The following IMPA2 variants were observed in gnomAD, a reference collection of about 807,000 sequenced individuals.
IMPA2 encodes the protein IMP 2.
IMPA2 carries 32 observed loss-of-function variants against 35.1 expected under a neutral mutation model. The observed-to-expected ratio is 0.91, with a 90% confidence interval of 0.69 to 1.23. IMPA2 has a LOEUF of 1.23. Among genes scored for constraint, IMPA2 ranks in the 50% most tolerant of loss-of-function variants. IMPA2 has a pLI of 0.00. For missense variants in IMPA2, 334 were observed against 387.6 expected (o/e 0.86, Z 1.16); for synonymous variants, 135 against 160.6 (o/e 0.84, Z 1.20).
Position 11,999,070 on chromosome 18 carries a change from T to A in IMPA2, c.113T>A (p.Leu38His), listed in dbSNP as rs1907044321. 2 of 1,613,306 alleles carry A rather than the reference T, an allele frequency of 1.2e-6. No homozygotes were observed. The highest frequency in any genetic ancestry group is 1.7e-6 in the Non-Finnish European group (2 of 1,179,736). Residue 38 changes from leucine (L) to histidine (H), a missense_variant, in exon 2 of 8, where the codon CTT becomes CAT. Physicochemically the swap from Leu to His is moderately conservative, Grantham distance 99. Coordinates refer to ENST00000269159, the MANE Select transcript of IMPA2 (RefSeq NM_014214.3). Reference protein sequence around the residue: ...LRAGQIIRKALTEEKRVSTKT... With the variant: ...LRAGQIIRKAHTEEKRVSTKT... ...TTATTTCAGATCATCAGAAAAGCCC[T>A]TACTGAGGAAAAACGTGTCTCAACA...
rs567220944 is a variant in IMPA2, at chr18:12,003,275, C to T, written c.230+4088C>T. Among the ~76,000 whole-genome samples the T allele has an allele frequency of 4.0e-4, 61 of 152,282 alleles. 2 individuals carry two copies. The South Asian group carries it at 0.011, about 28-fold the overall frequency. Reference sequence around the variant, plus strand: ...TGGCAAATCTCACCACTTAGGGCCTCGAACTCCTCACCTGTGAATGAGGGA... The same window carrying T: ...TGGCAAATCTCACCACTTAGGGCCTTGAACTCCTCACCTGTGAATGAGGGA... On this transcript the variant is annotated intron_variant, in intron 2 of 7. Coordinates refer to ENST00000269159, the MANE Select transcript of IMPA2 (RefSeq NM_014214.3).
intron 1 of IMPA2, among the ~76,000 whole-genome samples, chr18:11,987,812 G>A (rs1425718184): frequency 6.6e-6 from 1 of 152,160 alleles, no homozygotes; most frequent in African/African-American, 2.4e-5. Flanking sequence ...GTTCTCTAAA[G>A]AGGATGTACC....
At chr18:12,018,121 A>G (rs768959146) in intron 5 of IMPA2, 23 of 155,328 alleles carry the variant, frequency 1.5e-4, no homozygotes, top group Admixed American at 1.9e-4. Flanking sequence ...TTGTATTTTT[A>G]GTGGAGACAG....
At chr18:12,007,921 G>C (rs1907323138) in intron 2 of IMPA2, among the ~76,000 whole-genome samples, 1 of 151,716 alleles carries the variant, frequency 6.6e-6, no homozygotes, top group African/African-American at 2.4e-5. Context: ...GGGATTATAG[G>C]CGTGCGCCAC....
chr18:11,984,645 A>G (rs1906603770), intron 1 of IMPA2, among the ~76,000 whole-genome samples: 2 of 151,902 alleles, frequency 1.3e-5, no homozygotes, highest in South Asian at 2.1e-4. Context: ...TTTGAGACCA[A>G]TATAGTGAAA....
intron 5 of IMPA2, among the ~76,000 whole-genome samples, chr18:12,019,704 A>G (rs993500044): frequency 6.6e-6 from 1 of 151,978 alleles, no homozygotes; most frequent in Non-Finnish European, 1.5e-5. Context: ...AACATCATGT[A>G]TTGGTCGTTT....
intron 1 of IMPA2, among the ~76,000 whole-genome samples, chr18:11,986,525 C>T (rs527550990): frequency 1.3e-5 from 2 of 152,292 alleles, no homozygotes; most frequent in African/African-American, 4.8e-5. Flanking sequence ...TCTGGCTCTT[C>T]AGGGCAGAAG....
At chr18:12,007,644 T>TC (rs1907301907) in intron 2 of IMPA2, among the ~76,000 whole-genome samples, 1 of 99,570 alleles carries the variant, frequency 1.0e-5, no homozygotes, top group African/African-American at 5.7e-5. Context: ...TCTTTCTTTC[T>TC]TTCTTTCTTT....
chr18:12,019,395 T>C (rs1176176213), intron 5 of IMPA2, among the ~76,000 whole-genome samples: 3 of 151,560 alleles, frequency 2.0e-5, no homozygotes, highest in East Asian at 3.9e-4. Flanking sequence ...GCTGGAATTA[T>C]AGGCACGCAC....
At position 11,993,456 on chromosome 18, in the gene IMPA2, CG is replaced by C. The variant is rs1235711815; in HGVS notation, c.97-5597del. ...GCAGCCCCCATGTGTGCAAGGCCCC[CG>C]AGTACACCTGATAGAGCCCTATCTG... On this transcript the variant is annotated intron_variant, in intron 1 of 7. Transcript: ENST00000269159. Among the ~76,000 whole-genome samples the C allele has an allele frequency of 2.6e-5, 4 of 152,316 alleles. No individual in the cohort carries two copies. The East Asian group carries it at 7.7e-4, about 29-fold the overall frequency.
chr18:12,019,855 G>C (rs529496122), intron 5 of IMPA2, among the ~76,000 whole-genome samples: 1 of 152,038 alleles, frequency 6.6e-6, no homozygotes, highest in Admixed American at 6.5e-5. Flanking sequence ...TACAGTGTTA[G>C]ATACGATTTT....
At chr18:11,987,999 G>A (rs1474648125) in intron 1 of IMPA2, among the ~76,000 whole-genome samples, 2 of 123,114 alleles carry the variant, frequency 1.6e-5, no homozygotes, top group Non-Finnish European at 3.2e-5. Context: ...CATGTTTATT[G>A]GCTTTTTTTT....
intron 1 of IMPA2, among the ~76,000 whole-genome samples, chr18:11,998,718 C>T (rs984092213): frequency 6.6e-6 from 1 of 152,082 alleles, no homozygotes; most frequent in Non-Finnish European, 1.5e-5. Context: ...CTGTGTTTTT[C>T]TTTTACTCGA....
At chr18:12,017,777 A>C (rs1907619685) in intron 5 of IMPA2, 1 of 339,370 alleles carries the variant, frequency 2.9e-6, no homozygotes, top group South Asian at 2.1e-5. Flanking sequence ...TTTTTAGTAG[A>C]GACGGGGTTT....
At position 11,981,567 on chromosome 18, in the gene IMPA2, C is replaced by T. The variant is rs1001427253; in HGVS notation, c.-103C>T. The T allele has an allele frequency of 2.5e-5, 18 of 720,624 alleles. No homozygotes were observed. Among genetic ancestry groups the T allele is most frequent in the Non-Finnish European group, 3.4e-5 (18 of 523,138 alleles). The allele number at this position is 720,624 out of a possible 1,614,324, so 44.6% of individuals were successfully genotyped here. A position where few individuals can be genotyped will look rare whatever the true frequency, so the allele number is the denominator to read the frequency against. On this transcript the variant is annotated 5_prime_UTR_variant, in exon 1 of 8. Coordinates refer to ENST00000269159, the MANE Select transcript of IMPA2 (RefSeq NM_014214.3). ...CGGACTAGGCACAGAGCTGCGGGAG[C>T]AGGCACAGGGAGTGTGGAGCCTGGC...
At chr18:12,028,812 C>T (rs764700277) in intron 6 of IMPA2, 30 bp from the exon 7 acceptor site, 1 of 1,609,404 alleles carries the variant, frequency 6.2e-7, no homozygotes, top group East Asian at 2.2e-5. Context: ...CCACTCCCGC[C>T]TGCATCTGTC....
At chr18:11,998,670 G>A (rs1042870435) in intron 1 of IMPA2, among the ~76,000 whole-genome samples, 2 of 152,284 alleles carry the variant, frequency 1.3e-5, no homozygotes, top group South Asian at 2.1e-4. Context: ...GTTTTGGGCC[G>A]TTCTTACAGA....
intron 5 of IMPA2, among the ~76,000 whole-genome samples, chr18:12,022,689 A>G (rs1907767842): frequency 1.3e-5 from 2 of 151,274 alleles, no homozygotes; most frequent in South Asian, 4.1e-4. Flanking sequence ...AGGGGTTGTC[A>G]TAAGTTTTTT....
Position 11,999,257 on chromosome 18 carries a change from G to A in IMPA2, c.230+70G>A, listed in dbSNP as rs1269641172. ...ACTCATAGAGAATGCAGGGTCTGCCGGGGTCAGGGGGCTCTGCTGTTTGTT... is the reference window on the plus strand; with the variant it reads ...ACTCATAGAGAATGCAGGGTCTGCCAGGGTCAGGGGGCTCTGCTGTTTGTT... On this transcript the variant is annotated intron_variant, in intron 2 of 7. Transcript: ENST00000269159. The A allele has an allele frequency of 5.5e-6, 8 of 1,463,016 alleles. No individual in the cohort carries two copies. In the Admixed American group the frequency reaches 6.3e-5, roughly 12 times the overall value. The allele number at this position is 1,463,016 out of a possible 1,614,324, so 90.6% of individuals were successfully genotyped here. A position where few individuals can be genotyped will look rare whatever the true frequency, so the allele number is the denominator to read the frequency against.
Sources: allele counts gnomAD v4.1 joint callset (sites outside exome capture counted in the v4.1 genomes callset), GRCh38; gene constraint gnomAD v4.1.1; transcripts MANE v1.5; gene names NCBI Gene and HGNC (gene_info 2026-07-23, HGNC 2026-07-21).